AMPH: variants seen among roughly 807,000 people sequenced by gnomAD.
AMPH encodes amphiphysin, also known as amphiphysin (Stiff-Mann syndrome with breast cancer 128kD autoantigen).
AMPH carries 49 observed loss-of-function variants against 99.1 expected under a neutral mutation model. The ratio of observed to expected loss-of-function variants is 0.49; its 90% CI spans 0.39 to 0.63. The LOEUF is 0.63. AMPH is among the 20% of genes least tolerant of loss of function. The pLI, the probability that AMPH is intolerant of heterozygous loss-of-function variation, is 0.00. For missense variants in AMPH, 759 were observed against 863.4 expected (o/e 0.88, Z 1.52); for synonymous variants, 314 against 317.3 (o/e 0.99, Z 0.11).
At chr7:38,620,351 TG>T (rs1794010258) in intron 1 of AMPH, among the ~76,000 whole-genome samples, 1 of 148,148 alleles carries the variant, frequency 6.8e-6, no homozygotes, top group African/African-American at 2.6e-5. Flanking sequence ...TGTGTGTGTG[TG>T]TGTGTGTGTG....
intron 1 of AMPH, among the ~76,000 whole-genome samples, chr7:38,561,841 CA>C (rs1404825172): frequency 8.6e-5 from 13 of 151,548 alleles, no homozygotes; most frequent in Non-Finnish European, 1.8e-4. Flanking sequence ...GAGAACACAG[CA>C]AGAAGGTGGC....
intron 11 of AMPH, among the ~76,000 whole-genome samples, chr7:38,436,638 T>C (rs112490288): frequency 2.0e-5 from 3 of 152,194 alleles, no homozygotes; most frequent in South Asian, 2.1e-4. Flanking sequence ...CTCTTGTCCT[T>C]TGTCTAGCTC....
chr7:38,626,612 T>C (rs1794251004), intron 1 of AMPH, among the ~76,000 whole-genome samples: 1 of 152,098 alleles, frequency 6.6e-6, no homozygotes, highest in Non-Finnish European at 1.5e-5. Context: ...ACCTAGGCAA[T>C]ACCACTCAGG....
At chr7:38,624,379 T>TTAGTATTAG (rs1554380230) in intron 1 of AMPH, among the ~76,000 whole-genome samples, 17 of 151,732 alleles carry the variant, frequency 1.1e-4, no homozygotes, top group African/African-American at 4.1e-4. Context: ...CTTATTATTA[T>TTAGTATTAG]TATTAGTATT....
chr7:38,444,993 AT>A (rs1786704900), intron 11 of AMPH, among the ~76,000 whole-genome samples: 2 of 1,244 alleles, frequency 1.6e-3, no homozygotes, highest in African/African-American at 2.5e-3. Context: ...ATATATACAT[AT>A]ATATATATAT....
At chr7:38,529,129 C>T (rs904978730) in intron 2 of AMPH, among the ~76,000 whole-genome samples, 4 of 152,140 alleles carry the variant, frequency 2.6e-5, no homozygotes, top group African/African-American at 9.7e-5. Context: ...TTGGAAGAAG[C>T]GAGTTCCATC....
chr7:38,510,848 A>T (rs1426807349), intron 2 of AMPH, among the ~76,000 whole-genome samples: 1 of 152,314 alleles, frequency 6.6e-6, no homozygotes, highest in South Asian at 2.1e-4. Flanking sequence ...CTCAGGATAC[A>T]GTCCTCATCT....
chr7:38,506,809 G>T (rs1789342064), intron 2 of AMPH, among the ~76,000 whole-genome samples: 1 of 152,132 alleles, frequency 6.6e-6, no homozygotes, highest in Non-Finnish European at 1.5e-5. Context: ...AATAGCATGG[G>T]GATGAAACAC....
At chr7:38,385,207 T>C (rs555666222) in intron 20 of AMPH, among the ~76,000 whole-genome samples, 1 of 152,274 alleles carries the variant, frequency 6.6e-6, no homozygotes, top group East Asian at 1.9e-4. Context: ...CAAAGCATAG[T>C]TAATTGATAT....
At position 38,510,852 on chromosome 7, in the gene AMPH, C is replaced by T. The variant is rs144299486; in HGVS notation, c.151-7148G>A. ...TTCTCCATGCTCTCAGGATACAGTC[C>T]TCATCTGTGAATAAAGATATCAATT... On this transcript the variant is annotated intron_variant, in intron 2 of 20. Coordinates refer to ENST00000356264, the MANE Select transcript of AMPH (RefSeq NM_001635.4). Among the ~76,000 whole-genome samples, 4 of 152,254 alleles carry T rather than the reference C, an allele frequency of 2.6e-5. No homozygotes were observed. In the East Asian group the frequency reaches 7.7e-4, roughly 29 times the overall value.
chr7:38,516,717 A>AC (rs1562801921), intron 2 of AMPH, among the ~76,000 whole-genome samples: 1 of 152,176 alleles, frequency 6.6e-6, no homozygotes, highest in Non-Finnish European at 1.5e-5. Flanking sequence ...GACAGCTTGT[A>AC]CCCTGCACCT....
At chr7:38,407,567 A>G (rs896759343) in intron 17 of AMPH, among the ~76,000 whole-genome samples, 1 of 152,146 alleles carries the variant, frequency 6.6e-6, no homozygotes, top group African/African-American at 2.4e-5. Flanking sequence ...ATTGCACAAT[A>G]TAACCATATA....
intron 17 of AMPH, among the ~76,000 whole-genome samples, chr7:38,406,544 G>T (rs1252777845): frequency 6.6e-6 from 1 of 152,068 alleles, no homozygotes; most frequent in Admixed American, 6.5e-5. Flanking sequence ...TTGTTTCTAG[G>T]TGTGTCTGTG....
intron 1 of AMPH, among the ~76,000 whole-genome samples, chr7:38,622,990 G>A (rs1794124393): frequency 1.3e-5 from 2 of 152,126 alleles, no homozygotes; most frequent in South Asian, 4.2e-4. Context: ...GTATCCGAAT[G>A]CTGGACTCAC....
intron 1 of AMPH, among the ~76,000 whole-genome samples, chr7:38,624,565 G>A (rs184529582): frequency 9.4e-4 from 137 of 145,236 alleles, no homozygotes; most frequent in Non-Finnish European, 1.8e-3. Context: ...AAAAAAAAAT[G>A]TTTAAAGGCA....
chr7:38,574,021 T>A (rs1792142146), intron 1 of AMPH, among the ~76,000 whole-genome samples: 1 of 152,136 alleles, frequency 6.6e-6, no homozygotes, highest in Non-Finnish European at 1.5e-5. Context: ...CTACATAGAT[T>A]TCAGTGCTCA....
intron 4 of AMPH, among the ~76,000 whole-genome samples, chr7:38,491,370 C>G (rs973156370): frequency 1.3e-5 from 2 of 152,214 alleles, no homozygotes; most frequent in African/African-American, 4.8e-5. Flanking sequence ...CTCATTAAAA[C>G]TGTATTTCTG....
At chr7:38,485,986 G>A (rs748120065) in intron 5 of AMPH, among the ~76,000 whole-genome samples, 4 of 151,690 alleles carry the variant, frequency 2.6e-5, no homozygotes, top group East Asian at 1.9e-4. Context: ...AGTGATAAAC[G>A]CATACATTAA....
chr7:38,534,577 A>C (rs1004313435), intron 2 of AMPH, among the ~76,000 whole-genome samples: 3 of 152,218 alleles, frequency 2.0e-5, no homozygotes, highest in Non-Finnish European at 4.4e-5. Context: ...TGGGAGGCTG[A>C]GGTGGGAGGA....
Sources: gnomAD v4.1 joint callset for allele counts (sites outside exome capture counted in the v4.1 genomes callset) on GRCh38, gnomAD v4.1.1 for gene constraint, MANE v1.5 for transcripts, NCBI Gene and HGNC (gene_info 2026-07-23, HGNC 2026-07-21) for gene names.